The following CSMD1 variants were observed in gnomAD, a reference collection of about 807,000 sequenced individuals.
The protein encoded by CSMD1 is CUB and Sushi multiple domains 1.
CSMD1 carries 213 observed loss-of-function variants against 417.5 expected under a neutral mutation model. The observed-to-expected ratio is 0.51, with a 90% CI of 0.46 to 0.57. CSMD1 has a LOEUF of 0.57. Among genes scored for constraint, CSMD1 ranks in the 20% least tolerant of loss-of-function variants. CSMD1 has a pLI of 0.00. For synonymous variants in CSMD1, 2,862 were observed against 1,736.8 expected (o/e 1.65, Z -16.11); for missense variants, 6,923 against 4,529.7 (o/e 1.53, Z -15.17).
chr8:4,418,585 T>C (rs746718175), intron 3 of CSMD1, among the ~76,000 whole-genome samples: 6 of 152,292 alleles, frequency 3.9e-5, no homozygotes, highest in South Asian at 4.1e-4. Flanking sequence ...ATATTGTATG[T>C]TAACAGGACA....
chr8:3,562,820 C>T (rs564741215), intron 10 of CSMD1, among the ~76,000 whole-genome samples: 3 of 151,894 alleles, frequency 2.0e-5, no homozygotes, highest in African/African-American at 7.2e-5. Context: ...CTAAGGCGCA[C>T]TAGGCTTATT....
At chr8:3,885,673 T>C (rs942495040) in intron 5 of CSMD1, among the ~76,000 whole-genome samples, 6 of 152,134 alleles carry the variant, frequency 3.9e-5, no homozygotes, top group African/African-American at 7.2e-5. Flanking sequence ...CTCTCCATCT[T>C]TCTCAAGCTC....
chr8:4,046,156 T>C (rs1024361228), intron 3 of CSMD1, among the ~76,000 whole-genome samples: 2 of 152,112 alleles, frequency 1.3e-5, no homozygotes, highest in African/African-American at 4.8e-5. Context: ...ATCATAAATT[T>C]ATATACACAC....
intron 7 of CSMD1, among the ~76,000 whole-genome samples, chr8:3,698,032 T>C (rs1233439292): frequency 6.7e-6 from 1 of 149,992 alleles, no homozygotes; most frequent in South Asian, 2.1e-4. Context: ...TTTTATGTAT[T>C]TTAATAGATC....
chr8:3,449,437 C>T (rs1240683732), intron 12 of CSMD1, among the ~76,000 whole-genome samples: 1 of 152,026 alleles, frequency 6.6e-6, no homozygotes, highest in Non-Finnish European at 1.5e-5. Flanking sequence ...CTAAGGATGT[C>T]CTGGACTCGG....
At chr8:3,234,133 G>C (rs1262873885) in intron 26 of CSMD1, among the ~76,000 whole-genome samples, 3 of 152,170 alleles carry the variant, frequency 2.0e-5, no homozygotes, top group Non-Finnish European at 2.9e-5. Context: ...GAGAGTGGAA[G>C]CTCCACATCA....
intron 3 of CSMD1, among the ~76,000 whole-genome samples, chr8:4,106,938 G>C (rs1159056349): frequency 6.6e-6 from 1 of 152,284 alleles, no homozygotes; most frequent in African/African-American, 2.4e-5. Flanking sequence ...AACGCGTTGT[G>C]GTTCTCAGTT....
chr8:4,295,764 A>G (rs868615008), intron 3 of CSMD1, among the ~76,000 whole-genome samples: 1,202 of 29,802 alleles, frequency 0.04, 23 homozygotes, highest in Admixed American at 0.076. Context: ...ATATATATAT[A>G]TATATATATA....
intron 7 of CSMD1, among the ~76,000 whole-genome samples, chr8:3,644,717 T>G (rs2449199): frequency 6.6e-6 from 1 of 151,770 alleles, no homozygotes. Flanking sequence ...GGTTTATTTG[T>G]GGGGCCTGTC....
chr8:4,161,296 T>C (rs1453956420), intron 3 of CSMD1, among the ~76,000 whole-genome samples: 4 of 152,188 alleles, frequency 2.6e-5, no homozygotes. Flanking sequence ...CAGCTACACA[T>C]AATTGATAAG....
intron 3 of CSMD1, among the ~76,000 whole-genome samples, chr8:4,319,262 A>T (rs1799120940): frequency 6.6e-6 from 1 of 152,096 alleles, no homozygotes; most frequent in Non-Finnish European, 1.5e-5. Context: ...GCTTTCCTTC[A>T]ATTTATCTTA....
At chr8:4,982,346 C>T (rs758195681) in intron 1 of CSMD1, among the ~76,000 whole-genome samples, 3 of 152,222 alleles carry the variant, frequency 2.0e-5, no homozygotes, top group Non-Finnish European at 2.9e-5. Context: ...TGTTTTCTAG[C>T]TCTTGAGTTG....
At chr8:4,310,330 C>A (rs576550728) in intron 3 of CSMD1, among the ~76,000 whole-genome samples, 1 of 152,142 alleles carries the variant, frequency 6.6e-6, no homozygotes, top group Admixed American at 6.6e-5. Flanking sequence ...AAGGCCTCCA[C>A]ACTGGAATGA....
chr8:4,152,485 A>G (rs1647370), intron 3 of CSMD1, among the ~76,000 whole-genome samples: 10 of 151,078 alleles, frequency 6.6e-5, no homozygotes, highest in East Asian at 2.0e-4. Flanking sequence ...GCCAAGGAGT[A>G]TGGAAAACAC....
At chr8:4,209,256 C>T (rs1420369257) in intron 3 of CSMD1, among the ~76,000 whole-genome samples, 1 of 152,142 alleles carries the variant, frequency 6.6e-6, no homozygotes, top group Non-Finnish European at 1.5e-5. Context: ...GAAAAAGAGG[C>T]AGCCAGCTGG....
chr8:4,187,521 G>T (rs1157930143), intron 3 of CSMD1, among the ~76,000 whole-genome samples: 3 of 152,062 alleles, frequency 2.0e-5, no homozygotes. Context: ...GCACATGCCT[G>T]TAATCCCAGC....
intron 4 of CSMD1, among the ~76,000 whole-genome samples, chr8:4,006,402 G>A (rs1300476125): frequency 6.6e-6 from 1 of 152,106 alleles, no homozygotes; most frequent in Non-Finnish European, 1.5e-5. Context: ...AAAATAGCTG[G>A]GTGTGGTGGT....
chr8:3,588,689 A>C (rs1800708375), intron 8 of CSMD1, among the ~76,000 whole-genome samples: 1 of 152,210 alleles, frequency 6.6e-6, no homozygotes, highest in African/African-American at 2.4e-5. Flanking sequence ...ATAAGCCTAA[A>C]CCCCCAAAGC....
intron 46 of CSMD1, among the ~76,000 whole-genome samples, chr8:3,100,147 G>A (rs1191227055): frequency 1.3e-5 from 2 of 152,070 alleles, no homozygotes; most frequent in East Asian, 3.9e-4. Context: ...GACCTCCCAG[G>A]CTCAAACAAT....
Sources: allele counts gnomAD v4.1 joint callset (sites outside exome capture counted in the v4.1 genomes callset), GRCh38; gene constraint gnomAD v4.1.1; transcripts MANE v1.5; gene names NCBI Gene and HGNC (gene_info 2026-07-23, HGNC 2026-07-21).